Variants in RXRG observed in about 807,000 individuals in gnomAD.
RXRG encodes retinoic acid receptor RXR-gamma.
A neutral mutation model predicts 49.2 loss-of-function variants in RXRG; 19 were observed. The ratio of observed to expected loss-of-function variants is 0.39; its 90% CI spans 0.27 to 0.57. The LOEUF (loss-of-function observed/expected upper bound fraction) is 0.57, where lower values mean the gene tolerates loss of function less well. RXRG is among the 20% of genes least tolerant of loss of function. RXRG has a pLI of 0.64. For synonymous variants in RXRG, 224 were observed against 216.6 expected (o/e 1.03, Z -0.30); for missense variants, 452 against 592.5 (o/e 0.76, Z 2.46).
chr1:165,413,837 G>A (rs751706682), intron 4 of RXRG, among the ~76,000 whole-genome samples: 25 of 152,136 alleles, frequency 1.6e-4, no homozygotes, highest in Non-Finnish European at 3.4e-4. Flanking sequence ...GACGTGTTAC[G>A]TTAGAGAATA....
chr1:165,440,815 AGGG>A (rs1202993950), intron 1 of RXRG, among the ~76,000 whole-genome samples: 1 of 152,118 alleles, frequency 6.6e-6, no homozygotes, highest in Non-Finnish European at 1.5e-5. Context: ...CTTCATAATG[AGGG>A]GAAGGAAGAG....
intron 1 of RXRG, among the ~76,000 whole-genome samples, chr1:165,432,574 C>T (rs1658702755): frequency 6.6e-6 from 1 of 152,212 alleles, no homozygotes; most frequent in African/African-American, 2.4e-5. Flanking sequence ...GCCTCTCTCA[C>T]TCCTTTTTTT....
chr1:165,434,276 GTGTA>G (rs72004048), intron 1 of RXRG, among the ~76,000 whole-genome samples: 9,423 of 84,128 alleles, frequency 0.11, 522 homozygotes, highest in East Asian at 0.38. Flanking sequence ...AATTGCATGT[GTGTA>G]TGTGTGTGTG....
chr1:165,403,971 AGT>A (rs1301400929), intron 9 of RXRG, among the ~76,000 whole-genome samples: 1 of 152,112 alleles, frequency 6.6e-6, no homozygotes, highest in Non-Finnish European at 1.5e-5. Context: ...TGTGCAAGAG[AGT>A]GTGTGTGTGA....
At position 165,429,106 on chromosome 1, in the gene RXRG, C is replaced by T. The variant is rs1033295939; in HGVS notation, c.50-140G>A. The T allele has an allele frequency of 2.1e-5, 18 of 839,866 alleles. No individual in the cohort carries two copies. In the African/African-American group the frequency reaches 3.1e-4, roughly 14 times the overall value. The allele number at this position is 839,866 out of a possible 1,614,324, so 52.0% of individuals were successfully genotyped here. ...CCTACACACCTGTAAGCCCTAGGTG[C>T]TCTCACCTACACTACCCTGGTGGTA... On this transcript the variant is annotated intron_variant, in intron 1 of 9. Transcript: ENST00000359842.
intron 9 of RXRG, among the ~76,000 whole-genome samples, chr1:165,403,658 T>C (rs1053105272): frequency 2.0e-5 from 3 of 152,214 alleles, no homozygotes; most frequent in African/African-American, 7.2e-5. Flanking sequence ...ATAAGGAGGC[T>C]GAACTCCCGG....
At position 165,420,064 on chromosome 1, in the gene RXRG, C is replaced by T. The variant is rs1414949481; in HGVS notation, c.298-50G>A. 3 of 1,443,748 alleles carry T rather than the reference C, an allele frequency of 2.1e-6. No individual in the cohort carries two copies. The East Asian group carries it at 7.5e-5, about 36-fold the overall frequency. 89.4% of individuals were successfully genotyped at this position (1,443,748 alleles called of 1,614,324 possible). ...AGCACAGAGCCAGAGTAAATTCAAT[C>T]CCCAAGGCCTAAGGCAATGAGGGCT... On this transcript the variant is annotated intron_variant, in intron 2 of 9. Transcript: ENST00000359842.
chr1:165,402,480 T>A (rs1657610925), intron 9 of RXRG, among the ~76,000 whole-genome samples: 1 of 152,212 alleles, frequency 6.6e-6, no homozygotes, highest in African/African-American at 2.4e-5. Flanking sequence ...GAGGAGTCTA[T>A]GGTCTGTTTG....
intron 9 of RXRG, among the ~76,000 whole-genome samples, chr1:165,406,356 G>A (rs1295025232): frequency 2.0e-5 from 3 of 152,192 alleles, no homozygotes; most frequent in Non-Finnish European, 2.9e-5. Context: ...TACTGCATGG[G>A]GGTTTCTATG....
chr1:165,421,112 G>C (rs183444103), intron 2 of RXRG, among the ~76,000 whole-genome samples: 1 of 152,276 alleles, frequency 6.6e-6, no homozygotes, highest in Admixed American at 6.5e-5. Flanking sequence ...AACTACAATA[G>C]AGCCTAAGCT....
chr1:165,444,232 A>T (rs1659089812), intron 1 of RXRG, among the ~76,000 whole-genome samples: 3 of 152,106 alleles, frequency 2.0e-5, no homozygotes, highest in Non-Finnish European at 4.4e-5. Flanking sequence ...CTTGCAGTAG[A>T]ATTGGGGGCA....
intron 1 of RXRG, among the ~76,000 whole-genome samples, chr1:165,432,258 G>A (rs1658694238): frequency 6.6e-6 from 1 of 152,208 alleles, no homozygotes; most frequent in African/African-American, 2.4e-5. Flanking sequence ...ATGAGTTAAA[G>A]TTTGGTTCTC....
intron 1 of RXRG, among the ~76,000 whole-genome samples, chr1:165,431,860 T>C (rs186182367): frequency 5.9e-5 from 9 of 152,338 alleles, no homozygotes; most frequent in Admixed American, 2.6e-4. Flanking sequence ...GTTTTATATT[T>C]ATGCTTTCTG....
At chr1:165,410,627 T>C in intron 6 of RXRG, 75 bp downstream of exon 6, 1 of 1,553,956 alleles carries the variant, frequency 6.4e-7, no homozygotes, top group East Asian at 2.3e-5. Context: ...TGCAGCTCCA[T>C]CAGGCTACTT....
chr1:165,417,968 G>A (rs780300630), intron 3 of RXRG, among the ~76,000 whole-genome samples: 30 of 151,858 alleles, frequency 2.0e-4, no homozygotes, highest in South Asian at 1.7e-3. Flanking sequence ...AAAATTAGCC[G>A]CGCATGGTGG....
chr1:165,423,432 T>C (rs61800588), intron 2 of RXRG, among the ~76,000 whole-genome samples: 45,960 of 152,168 alleles, frequency 0.3, 8,155 homozygotes, highest in Non-Finnish European at 0.39. Flanking sequence ...TGCATGCTTC[T>C]GGAGCCATCC....
At chr1:165,415,638 A>C (rs774698176) in intron 4 of RXRG, among the ~76,000 whole-genome samples, 2 of 152,160 alleles carry the variant, frequency 1.3e-5, no homozygotes, top group Admixed American at 6.5e-5. Context: ...CACCCGCTAC[A>C]TGTGGTGTGT....
chr1:165,414,926 T>G (rs1406888451), intron 4 of RXRG, among the ~76,000 whole-genome samples: 1 of 152,210 alleles, frequency 6.6e-6, no homozygotes, highest in Admixed American at 6.5e-5. Context: ...CAGTTTAAAC[T>G]ATTCATTCAA....
intron 1 of RXRG, among the ~76,000 whole-genome samples, chr1:165,430,593 AG>A (rs1658644737): frequency 6.6e-6 from 1 of 152,240 alleles, no homozygotes; most frequent in African/African-American, 2.4e-5. Flanking sequence ...TTGGTCTATC[AG>A]GGACAATTGC....
Sources: allele counts gnomAD v4.1 joint callset (sites outside exome capture counted in the v4.1 genomes callset), GRCh38; gene constraint gnomAD v4.1.1; transcripts MANE v1.5; gene names NCBI Gene and HGNC (gene_info 2026-07-23, HGNC 2026-07-21).